The following AUTS2 variants were observed in gnomAD, a reference collection of about 807,000 sequenced individuals.
The protein encoded by AUTS2 is autism susceptibility gene 2 protein.
A neutral mutation model predicts 112.4 loss-of-function variants in AUTS2; 17 were observed. The observed-to-expected ratio is 0.15, with a 90% CI of 0.10 to 0.23. The LOEUF is 0.23. Ranked by LOEUF, AUTS2 falls within the 10% of genes least tolerant of loss-of-function variation. AUTS2 has a pLI of 1.00. For synonymous variants in AUTS2, 751 were observed against 702.7 expected, an observed-to-expected ratio of 1.07 and a Z score of -1.09; for missense variants, 1,510 against 1,701.6, an observed-to-expected ratio of 0.89 and a Z score of 1.98.
chr7:70,543,500 G>A (rs1563029186), intron 5 of AUTS2, among the ~76,000 whole-genome samples: 1 of 149,608 alleles, frequency 6.7e-6, no homozygotes. Flanking sequence ...CTGCACTTGA[G>A]CCTAGGCGAC....
At chr7:70,081,961 T>C (rs1368113858) in intron 2 of AUTS2, among the ~76,000 whole-genome samples, 1 of 146,770 alleles carries the variant, frequency 6.8e-6, no homozygotes, top group Non-Finnish European at 1.5e-5. Context: ...TGTGTGTGTG[T>C]GTGTGCGCGC....
At chr7:70,460,842 T>C (rs1796933885) in intron 5 of AUTS2, among the ~76,000 whole-genome samples, 1 of 152,170 alleles carries the variant, frequency 6.6e-6, no homozygotes, top group African/African-American at 2.4e-5. Context: ...TAAAAATGCC[T>C]GCATGGTGCC....
intron 6 of AUTS2, among the ~76,000 whole-genome samples, chr7:70,708,653 G>A (rs1809870956): frequency 6.6e-6 from 1 of 151,762 alleles, no homozygotes; most frequent in African/African-American, 2.4e-5. Context: ...AGCCCCGAAG[G>A]GTCAGCAGAC....
chr7:70,785,514 C>CA, intron 16 of AUTS2: 4 of 467,134 alleles, frequency 8.6e-6, no homozygotes, highest in Non-Finnish European at 1.3e-5. Context: ...ATCCCATCTG[C>CA]AAGTGTACAG....
intron 17 of AUTS2, 159 bp from the exon 18 acceptor site, chr7:70,787,050 C>G: frequency 1.3e-6 from 1 of 780,348 alleles, no homozygotes; most frequent in Non-Finnish European, 2.2e-6. Context: ...ACAAGACTTC[C>G]TCTAATGAAT....
intron 1 of AUTS2, among the ~76,000 whole-genome samples, chr7:69,814,453 C>T (rs372207928): frequency 3.5e-4 from 53 of 152,292 alleles, no homozygotes; most frequent in Middle Eastern, 3.4e-3. Context: ...AGTCTGTGGC[C>T]GGCAGGGTGT....
chr7:70,557,565 G>C (rs1801302941), intron 5 of AUTS2, among the ~76,000 whole-genome samples: 1 of 152,198 alleles, frequency 6.6e-6, no homozygotes, highest in South Asian at 2.1e-4. Context: ...GGATGGAGCA[G>C]GAGACATCAG....
At chr7:70,496,019 A>AC (rs560797976) in intron 5 of AUTS2, among the ~76,000 whole-genome samples, 1,373 of 64,590 alleles carry the variant, frequency 0.021, 3 homozygotes, top group African/African-American at 0.028. Flanking sequence ...ACACACACAC[A>AC]CCCCCCCCAC....
intron 5 of AUTS2, among the ~76,000 whole-genome samples, chr7:70,479,479 C>T (rs868064872): frequency 1.4e-4 from 22 of 152,318 alleles, no homozygotes; most frequent in Admixed American, 3.9e-4. Flanking sequence ...CCGGAGTCCA[C>T]AGTGTCAACC....
intron 1 of AUTS2, among the ~76,000 whole-genome samples, chr7:69,868,451 T>C (rs1274706213): frequency 6.6e-6 from 1 of 152,220 alleles, no homozygotes; most frequent in East Asian, 1.9e-4. Flanking sequence ...AACAATTGGA[T>C]GATGAAGACA....
chr7:70,688,272 G>A (rs1479976554), intron 5 of AUTS2, among the ~76,000 whole-genome samples: 1 of 152,086 alleles, frequency 6.6e-6, no homozygotes. Flanking sequence ...CTCTGTGCTG[G>A]GTACAAATTC....
intron 2 of AUTS2, among the ~76,000 whole-genome samples, chr7:69,978,479 G>T (rs928480499): frequency 1.6e-4 from 24 of 152,164 alleles, no homozygotes; most frequent in African/African-American, 5.6e-4. Context: ...TGAATTAAGT[G>T]CAGGAAATCA....
chr7:70,053,579 T>TC (rs1194473974), intron 2 of AUTS2, among the ~76,000 whole-genome samples: 2 of 142,248 alleles, frequency 1.4e-5, no homozygotes, highest in African/African-American at 2.8e-5. Context: ...TCACTCTGTT[T>TC]CCCAGGCTGG....
intron 2 of AUTS2, among the ~76,000 whole-genome samples, chr7:70,060,292 G>C (rs1454438034): frequency 6.6e-6 from 1 of 152,158 alleles, no homozygotes. Flanking sequence ...CATTGTATAA[G>C]GGCAACTAAG....
At chr7:69,927,735 C>T (rs370727987) in intron 2 of AUTS2, among the ~76,000 whole-genome samples, 1 of 152,330 alleles carries the variant, frequency 6.6e-6, no homozygotes, top group South Asian at 2.1e-4. Flanking sequence ...GAGGGCAGCT[C>T]CAGGTGCCCG....
At chr7:70,410,025 A>G (rs1198008582) in intron 4 of AUTS2, among the ~76,000 whole-genome samples, 2 of 152,180 alleles carry the variant, frequency 1.3e-5, no homozygotes, top group Non-Finnish European at 2.9e-5. Context: ...AGTAGGAAGC[A>G]TTTCTTTTCC....
chr7:70,176,682 T>G (rs1809004035), intron 4 of AUTS2, among the ~76,000 whole-genome samples: 1 of 152,240 alleles, frequency 6.6e-6, no homozygotes, highest in Non-Finnish European at 1.5e-5. Context: ...GAAAAATATA[T>G]TTGTTCCAAC....
At chr7:69,778,244 ATATTTTT>A (rs1203948704) in intron 1 of AUTS2, among the ~76,000 whole-genome samples, 3 of 83,064 alleles carry the variant, frequency 3.6e-5, no homozygotes, top group Non-Finnish European at 8.2e-5. Context: ...ATATATATAT[ATATTTTT>A]TTTTTTTTTT....
Position 69,993,314 on chromosome 7 carries a change from G to A in AUTS2, c.522+93816G>A, listed in dbSNP as rs541071014. ...ATCCCACTATACCCTTTAGTGGGGC[G>A]ACTCTCATGGCCCTCTCAGCATTCC... is the stretch of plus-strand genomic sequence containing the variant. On this transcript the variant is annotated intron_variant, in intron 2 of 18. Coordinates refer to ENST00000342771, the MANE Select transcript of AUTS2 (RefSeq NM_015570.4). Among the ~76,000 whole-genome samples, 15 of 152,256 alleles carry A rather than the reference G, an allele frequency of 9.9e-5. No individual in the cohort carries two copies. In the South Asian group the frequency reaches 1.0e-3, roughly 11 times the overall value.
Sources: gnomAD v4.1 joint callset for allele counts (sites outside exome capture counted in the v4.1 genomes callset) on GRCh38, gnomAD v4.1.1 for gene constraint, MANE v1.5 for transcripts, NCBI Gene and HGNC (gene_info 2026-07-23, HGNC 2026-07-21) for gene names.